STIM2: variants seen among roughly 807,000 people sequenced by gnomAD.
STIM2 encodes stromal interaction molecule 2.
In STIM2, 31 loss-of-function variants were observed where a neutral mutation model predicts 85.8. The observed-to-expected ratio is 0.36, with a 90% CI of 0.27 to 0.49. STIM2 has a LOEUF of 0.49. Ranked by LOEUF, STIM2 falls within the 20% of genes least tolerant of loss-of-function variation. The pLI is 0.98. For missense variants in STIM2, 841 were observed against 927.6 expected, an observed-to-expected ratio of 0.91 and a Z score of 1.21; for synonymous variants, 356 against 331.1, an observed-to-expected ratio of 1.08 and a Z score of -0.82.
intron 2 of STIM2, among the ~76,000 whole-genome samples, chr4:26,952,282 T>G (rs1246644530): frequency 2.0e-5 from 3 of 152,096 alleles, no homozygotes; most frequent in Non-Finnish European, 4.4e-5. Flanking sequence ...GTTGTGAGTT[T>G]CAGTTAAGAT....
intron 2 of STIM2, among the ~76,000 whole-genome samples, chr4:26,936,055 T>C (rs1244905111): frequency 1.3e-5 from 2 of 152,192 alleles, no homozygotes; most frequent in African/African-American, 4.8e-5. Flanking sequence ...GTCTTTTTTA[T>C]GTGGGGGAGG....
At chr4:26,890,632 A>G (rs987170147) in intron 1 of STIM2, among the ~76,000 whole-genome samples, 1 of 151,938 alleles carries the variant, frequency 6.6e-6, no homozygotes, top group African/African-American at 2.4e-5. Context: ...AGACCATCCC[A>G]GCTAAAACGT....
At chr4:26,909,708 C>T (rs1175820710) in intron 1 of STIM2, among the ~76,000 whole-genome samples, 1 of 152,096 alleles carries the variant, frequency 6.6e-6, no homozygotes, top group African/African-American at 2.4e-5. Context: ...ATCATTTTAA[C>T]CGTTTTTGAG....
At position 27,018,066 on chromosome 4, in the gene STIM2, A is replaced by C. The variant is rs933546170; in HGVS notation, c.1763+82A>C. 5.8e-6 allele frequency: 9 copies of C among 1,555,770 alleles called. No homozygotes were observed. The Admixed American group carries it at 1.1e-4, about 18-fold the overall frequency. On this transcript the variant is annotated intron_variant, in intron 11 of 11. Coordinates refer to ENST00000467087, the MANE Select transcript of STIM2 (RefSeq NM_020860.4). ...GAGGAGGGGGCGGGAGGAGTGGTGC[A>C]TGTTTCCATTTTCTGTTGCTACATA...
At position 26,970,250 on chromosome 4, in the gene STIM2, TGTA is replaced by T. The variant is rs1349957965; in HGVS notation, c.397+12525_397+12527del. Among the ~76,000 whole-genome samples the T allele has an allele frequency of 5.7e-3, 775 of 135,424 alleles. 9 individuals carry two copies. The highest frequency in any genetic ancestry group is 0.02 in the African/African-American group (721 of 36,760). The allele number at this position is 135,424 out of a possible 152,430, so 88.8% of individuals were successfully genotyped here. On this transcript the variant is annotated intron_variant, in intron 3 of 11. Coordinates refer to ENST00000467087, the MANE Select transcript of STIM2 (RefSeq NM_020860.4). ...ATATATATATATATATATATATGTA[TGTA>T]TTTTTTTATTATACTTTAAGTTCTA...
intron 2 of STIM2, among the ~76,000 whole-genome samples, chr4:26,939,623 G>A (rs1725523758): frequency 6.6e-6 from 1 of 152,064 alleles, no homozygotes; most frequent in African/African-American, 2.4e-5. Context: ...TATCATACAA[G>A]TACCTGAAAT....
intron 2 of STIM2, among the ~76,000 whole-genome samples, chr4:26,948,115 C>T (rs1725912094): frequency 6.6e-6 from 1 of 152,148 alleles, no homozygotes; most frequent in Non-Finnish European, 1.5e-5. Flanking sequence ...GCTCGAACAC[C>T]TGTCATCAGA....
At chr4:27,018,126 A>G in intron 11 of STIM2, 142 bp downstream of exon 11, 2 of 1,246,294 alleles carry the variant, frequency 1.6e-6, no homozygotes, top group East Asian at 4.7e-5. Context: ...CTCAGACATC[A>G]CCCATTTTTT....
chr4:26,962,121 C>T (rs1560221335), intron 3 of STIM2, among the ~76,000 whole-genome samples: 1 of 152,138 alleles, frequency 6.6e-6, no homozygotes, highest in African/African-American at 2.4e-5. Flanking sequence ...AGTATGTAGG[C>T]TTTCAAACTA....
chr4:26,933,945 G>A (rs1050789853), intron 2 of STIM2, among the ~76,000 whole-genome samples: 9 of 152,116 alleles, frequency 5.9e-5, no homozygotes, highest in Non-Finnish European at 1.2e-4. Context: ...TGTAATCCCA[G>A]CACTTTGGGA....
chr4:26,878,921 C>T (rs1427254714), intron 1 of STIM2, among the ~76,000 whole-genome samples: 1 of 152,160 alleles, frequency 6.6e-6, no homozygotes, highest in African/African-American at 2.4e-5. Flanking sequence ...GGAAACTACC[C>T]CTGTGGGCCA....
chr4:26,870,672 A>G (rs1722580448), intron 1 of STIM2, among the ~76,000 whole-genome samples: 1 of 152,176 alleles, frequency 6.6e-6, no homozygotes, highest in Non-Finnish European at 1.5e-5. Context: ...AAAAAATTTC[A>G]GTGAGTCCCA....
At chr4:26,919,443 C>G (rs1043583587) in intron 1 of STIM2, 61 bp from the exon 2 acceptor site, 10 of 1,599,364 alleles carry the variant, frequency 6.3e-6, no homozygotes, top group South Asian at 1.1e-5. Context: ...AAATTATACT[C>G]TCTAACTATA....
intron 1 of STIM2, among the ~76,000 whole-genome samples, chr4:26,898,315 A>G (rs1285377924): frequency 6.6e-6 from 1 of 152,180 alleles, no homozygotes; most frequent in South Asian, 2.1e-4. Flanking sequence ...TTAGACAAGA[A>G]TACCTCGTAG....
chr4:26,922,291 AT>A, intron 2 of STIM2, among the ~76,000 whole-genome samples: 1 of 152,078 alleles, frequency 6.6e-6, no homozygotes, highest in East Asian at 1.9e-4. Flanking sequence ...AACCAAAGAG[AT>A]TTTCTAAAAT....
intron 3 of STIM2, among the ~76,000 whole-genome samples, chr4:26,962,118 A>G (rs910749832): frequency 1.3e-5 from 2 of 152,178 alleles, no homozygotes; most frequent in African/African-American, 2.4e-5. Context: ...GAAAGTATGT[A>G]GGCTTTCAAA....
chr4:26,964,301 A>G (rs948573889), intron 3 of STIM2, among the ~76,000 whole-genome samples: 1 of 152,134 alleles, frequency 6.6e-6, no homozygotes, highest in Non-Finnish European at 1.5e-5. Context: ...AAAAAAGGGT[A>G]TTATTTTAGC....
intron 2 of STIM2, among the ~76,000 whole-genome samples, chr4:26,937,717 A>C (rs540950504): frequency 4.6e-4 from 70 of 152,302 alleles, no homozygotes; most frequent in African/African-American, 1.6e-3. Context: ...TGTCCTAAGC[A>C]AATGGGCCAT....
At chr4:26,909,652 T>G (rs935686692) in intron 1 of STIM2, among the ~76,000 whole-genome samples, 11 of 152,334 alleles carry the variant, frequency 7.2e-5, no homozygotes, top group Non-Finnish European at 1.6e-4. Context: ...TAGCTTGTGT[T>G]TGGTTGTAGC....
Sources: gnomAD v4.1 joint callset for allele counts (sites outside exome capture counted in the v4.1 genomes callset) on GRCh38, gnomAD v4.1.1 for gene constraint, MANE v1.5 for transcripts, NCBI Gene and HGNC (gene_info 2026-07-23, HGNC 2026-07-21) for gene names.